Variants in NEGR1 observed in about 807,000 individuals in gnomAD.
The protein encoded by NEGR1 is IgLON family member 4.
In NEGR1, 10 loss-of-function variants were observed where a neutral mutation model predicts 40.9. That is an observed-to-expected ratio of 0.24 (90% CI 0.15 to 0.42). The LOEUF is 0.42. Ranked by LOEUF, NEGR1 falls within the 10% of genes least tolerant of loss-of-function variation. The pLI is 1.00. For missense variants in NEGR1, 352 were observed against 438.9 expected (o/e 0.80, Z 1.77); for synonymous variants, 185 against 166.8 (o/e 1.11, Z -0.84).
At chr1:72,151,663 A>G (rs1651129449) in intron 1 of NEGR1, among the ~76,000 whole-genome samples, 1 of 151,874 alleles carries the variant, frequency 6.6e-6, no homozygotes, top group Non-Finnish European at 1.5e-5. Flanking sequence ...GAAATATAAT[A>G]ATTGTAAAAG....
At chr1:72,070,149 C>T (rs1241834038) in intron 1 of NEGR1, among the ~76,000 whole-genome samples, 1 of 151,928 alleles carries the variant, frequency 6.6e-6, no homozygotes, top group African/African-American at 2.4e-5. Flanking sequence ...TATTATATCA[C>T]TGAATTATAT....
chr1:71,822,496 CG>C (rs1251281950), intron 2 of NEGR1, among the ~76,000 whole-genome samples: 14 of 151,896 alleles, frequency 9.2e-5, no homozygotes, highest in Non-Finnish European at 1.5e-4. Flanking sequence ...ATGGGTCCAA[CG>C]GCATCAGCTC....
At chr1:71,614,547 T>C (rs1252177100) in intron 4 of NEGR1, among the ~76,000 whole-genome samples, 1 of 152,216 alleles carries the variant, frequency 6.6e-6, no homozygotes, top group Non-Finnish European at 1.5e-5. Context: ...ATTGTTCTCA[T>C]AGGCTTTAAT....
chr1:71,506,632 T>C (rs2101409488), intron 6 of NEGR1, among the ~76,000 whole-genome samples: 1 of 152,194 alleles, frequency 6.6e-6, no homozygotes, highest in Admixed American at 6.5e-5. Flanking sequence ...CTTGCCTGAA[T>C]CCTGCCAGTT....
chr1:71,731,942 C>T (rs1467740323), intron 3 of NEGR1, among the ~76,000 whole-genome samples: 1 of 152,102 alleles, frequency 6.6e-6, no homozygotes, highest in African/African-American at 2.4e-5. Flanking sequence ...CTATTTGCAT[C>T]CTTATTGTGG....
chr1:72,040,129 T>C (rs550707541), intron 1 of NEGR1, among the ~76,000 whole-genome samples: 2 of 152,144 alleles, frequency 1.3e-5, no homozygotes, highest in South Asian at 2.1e-4. Flanking sequence ...CCATGTGTTA[T>C]GTACATGATT....
chr1:72,192,492 C>T (rs1242640193), intron 1 of NEGR1, among the ~76,000 whole-genome samples: 2 of 151,716 alleles, frequency 1.3e-5, no homozygotes, highest in Admixed American at 1.3e-4. Flanking sequence ...AGTACTGATT[C>T]CACATACCTT....
chr1:71,801,637 C>A (rs1396827450), intron 2 of NEGR1, among the ~76,000 whole-genome samples: 1 of 152,168 alleles, frequency 6.6e-6, no homozygotes, highest in Non-Finnish European at 1.5e-5. Flanking sequence ...CATATATTAT[C>A]AGAAAATCTA....
At chr1:71,543,597 G>A (rs61764984) in intron 6 of NEGR1, among the ~76,000 whole-genome samples, 8,392 of 151,720 alleles carry the variant, frequency 0.055, 300 homozygotes, top group Non-Finnish European at 0.079. Context: ...ACCTAAGTGT[G>A]TCCTAATTGC....
At chr1:72,147,179 C>T (rs1650942779) in intron 1 of NEGR1, among the ~76,000 whole-genome samples, 1 of 152,058 alleles carries the variant, frequency 6.6e-6, no homozygotes, top group Admixed American at 6.6e-5. Context: ...TATATGTGTT[C>T]ATTTATTAGT....
intron 6 of NEGR1, among the ~76,000 whole-genome samples, chr1:71,558,052 T>G (rs1648309891): frequency 6.6e-6 from 1 of 151,578 alleles, no homozygotes. Flanking sequence ...AGAGCTGATG[T>G]GCCCTTCTTT....
intron 1 of NEGR1, among the ~76,000 whole-genome samples, chr1:72,191,265 ATTCT>A (rs1424054172): frequency 6.6e-6 from 1 of 151,750 alleles, no homozygotes; most frequent in Non-Finnish European, 1.5e-5. Flanking sequence ...GTGTGGATTG[ATTCT>A]TTCTCCCTAA....
At chr1:71,860,304 T>A (rs1039527578) in intron 2 of NEGR1, among the ~76,000 whole-genome samples, 53 of 152,020 alleles carry the variant, frequency 3.5e-4, no homozygotes, top group African/African-American at 1.2e-3. Flanking sequence ...GCAAGTACCT[T>A]ACAAGGTAGG....
chr1:71,922,354 T>G lies in NEGR1; in HGVS notation c.409+12725A>C, dbSNP rs569266709. 7.2e-5 allele frequency among the ~76,000 whole-genome samples: 11 copies of G among 152,294 alleles called. No individual in the cohort carries two copies. The East Asian group carries it at 2.1e-3, about 29-fold the overall frequency. On this transcript the variant is annotated intron_variant, in intron 2 of 6. Coordinates refer to ENST00000357731, the MANE Select transcript of NEGR1 (RefSeq NM_173808.3). The stretch of plus-strand genomic sequence containing the variant: ...AAACATAGTAGGCTGGGAATGCACC[T>G]TCTGGTGTGGGGGCAACATAGAGCA...
rs112539668 is a variant in NEGR1, at chr1:71,430,553, T to C, written c.941-22983A>G. On this transcript the variant is annotated intron_variant, in intron 6 of 6. Transcript: ENST00000357731. ...CAGACTTTCCAACATTCTTACAGCA[T>C]AGAGTTGGCTATAAAACATCCACAT... is the stretch of plus-strand genomic sequence containing the variant. Among the ~76,000 whole-genome samples the C allele has an allele frequency of 2.7e-3, 411 of 152,146 alleles. 4 individuals are homozygous for C. The highest frequency in any genetic ancestry group is 5.7e-3 in the Admixed American group (87 of 15,286).
intron 3 of NEGR1, among the ~76,000 whole-genome samples, chr1:71,728,776 G>C (rs1456945500): frequency 6.6e-6 from 1 of 152,072 alleles, no homozygotes; most frequent in Admixed American, 6.6e-5. Context: ...AGTTATACAA[G>C]GTATGTGCTC....
intron 2 of NEGR1, among the ~76,000 whole-genome samples, chr1:71,783,037 G>C (rs1656772489): frequency 6.6e-6 from 1 of 151,542 alleles, no homozygotes; most frequent in Non-Finnish European, 1.5e-5. Flanking sequence ...AAAATCAAGA[G>C]AATTTGACTC....
chr1:72,041,437 T>C (rs1646953277), intron 1 of NEGR1, among the ~76,000 whole-genome samples: 1 of 150,778 alleles, frequency 6.6e-6, no homozygotes, highest in Non-Finnish European at 1.5e-5. Flanking sequence ...TAGGCTTTTT[T>C]TTTTTTTTTG....
At chr1:72,224,688 T>G (rs372486804) in intron 1 of NEGR1, among the ~76,000 whole-genome samples, 2 of 152,050 alleles carry the variant, frequency 1.3e-5, no homozygotes, top group East Asian at 3.9e-4. Flanking sequence ...CTTTAACTTT[T>G]TTTTTTAAAT....
Sources: allele counts gnomAD v4.1 joint callset (sites outside exome capture counted in the v4.1 genomes callset), GRCh38; gene constraint gnomAD v4.1.1; transcripts MANE v1.5; gene names NCBI Gene and HGNC (gene_info 2026-07-23, HGNC 2026-07-21).